Variants in DAAM1 observed in about 807,000 individuals in gnomAD.
DAAM1 encodes the protein disheveled-associated activator of morphogenesis 1.
Under a neutral mutation model 130.0 loss-of-function variants are expected in DAAM1, and 52 were observed. The ratio of observed to expected loss-of-function variants is 0.40; its 90% CI spans 0.32 to 0.50. The LOEUF (loss-of-function observed/expected upper bound fraction) is 0.50, where lower values mean the gene tolerates loss of function less well. DAAM1 is among the 20% of genes least tolerant of loss of function. The pLI is 0.61. For missense variants in DAAM1, 1,134 were observed against 1,303.8 expected (o/e 0.87, Z 2.01); for synonymous variants, 452 against 444.5 (o/e 1.02, Z -0.21).
chr14:59,224,518 C>T (rs1025683205), intron 1 of DAAM1, among the ~76,000 whole-genome samples: 1 of 152,212 alleles, frequency 6.6e-6, no homozygotes, highest in African/African-American at 2.4e-5. Context: ...TGTTTGATTT[C>T]ACAGGCTTAC....
At chr14:59,284,078 A>G (rs756464162) in intron 2 of DAAM1, among the ~76,000 whole-genome samples, 10 of 152,096 alleles carry the variant, frequency 6.6e-5, no homozygotes, top group Non-Finnish European at 1.2e-4. Context: ...TAAGTGATTT[A>G]AGGAACCTTC....
intron 1 of DAAM1, among the ~76,000 whole-genome samples, chr14:59,244,069 C>T (rs1309684194): frequency 6.6e-6 from 1 of 152,064 alleles, no homozygotes; most frequent in African/African-American, 2.4e-5. Context: ...CCCATAGTTC[C>T]CATGTGTTGG....
chr14:59,343,399 G>A (rs978150649), intron 16 of DAAM1, among the ~76,000 whole-genome samples: 6 of 152,120 alleles, frequency 3.9e-5, no homozygotes, highest in Non-Finnish European at 8.8e-5. Context: ...TTTATGCTTG[G>A]GGACAATGAA....
At chr14:59,321,112 G>T (rs764915305) in intron 5 of DAAM1, among the ~76,000 whole-genome samples, 5 of 139,982 alleles carry the variant, frequency 3.6e-5, no homozygotes, top group Non-Finnish European at 7.8e-5. Flanking sequence ...CCACATAATG[G>T]AATATAATTT....
intron 3 of DAAM1, among the ~76,000 whole-genome samples, chr14:59,314,182 G>T (rs1451748876): frequency 1.3e-5 from 2 of 152,200 alleles, no homozygotes; most frequent in African/African-American, 4.8e-5. Context: ...CTGACATCAG[G>T]ATATAGAGCT....
At chr14:59,190,723 G>A (rs534920374) in intron 1 of DAAM1, among the ~76,000 whole-genome samples, 3 of 152,310 alleles carry the variant, frequency 2.0e-5, no homozygotes, top group South Asian at 2.1e-4. Context: ...TTGGTAATGT[G>A]AGGAAAGGGT....
intron 6 of DAAM1, among the ~76,000 whole-genome samples, chr14:59,323,467 A>G (rs1430545610): frequency 6.6e-6 from 1 of 152,122 alleles, no homozygotes; most frequent in South Asian, 2.1e-4. Context: ...CTTGCATCCT[A>G]TATGTCATAT....
chr14:59,363,464 GGGCATGGCTTT>G, intron 22 of DAAM1, 176 bp from the exon 23 acceptor site: 1 of 682,264 alleles, frequency 1.5e-6, no homozygotes, highest in Middle Eastern at 4.2e-4. Context: ...GTGTGCACAT[GGGCATGGCTTT>G]GGCATGGTGG....
intron 1 of DAAM1, among the ~76,000 whole-genome samples, chr14:59,261,912 AG>A (rs1161977219): frequency 6.6e-6 from 1 of 152,114 alleles, no homozygotes; most frequent in Admixed American, 6.5e-5. Context: ...ACTTGACCCT[AG>A]TCTTTCTTCT....
In DAAM1 at chr14:59,320,588, A is replaced by G. The variant is rs914458132; in HGVS notation, c.440+4A>G. 6.5e-7 allele frequency: 1 copy of G among 1,534,478 alleles called. No individual in the cohort carries two copies. On this transcript the variant is annotated splice_donor_region_variant and intron_variant, in intron 5 of 24. Transcript: ENST00000360909. ...CACTGAGGACAAAACCAATGAGGTA[A>G]TTTTCCCCTGGATGGCATGTTTTTT...
At position 59,325,040 on chromosome 14, in the gene DAAM1, C is replaced by T. The variant is rs143328196; in HGVS notation, c.989+586C>T. On this transcript the variant is annotated intron_variant, in intron 8 of 24. Coordinates refer to ENST00000360909, the MANE Select transcript of DAAM1 (RefSeq NM_001270520.2). ...TCTTCTTCTTGATATTCTGTGAACACTCTTGCATCAGTGCCTTTGCGCTTG... is the reference window on the plus strand; with the variant it reads ...TCTTCTTCTTGATATTCTGTGAACATTCTTGCATCAGTGCCTTTGCGCTTG... Among the ~76,000 whole-genome samples, 6 of 152,304 alleles carry T rather than the reference C, an allele frequency of 3.9e-5. No homozygotes were observed. In the East Asian group the frequency reaches 1.2e-3, roughly 29 times the overall value.
In DAAM1 at chr14:59,369,092, A is replaced by G; in HGVS notation, c.*233A>G. On this transcript the variant is annotated 3_prime_UTR_variant, in exon 25 of 25. Coordinates refer to ENST00000360909, the MANE Select transcript of DAAM1 (RefSeq NM_001270520.2). ...TGGTTAAAAAGATTTATGTTAATGT[A>G]TGTGCTCCAAAACCTTTCGTGTATG... The G allele has an allele frequency of 2.2e-6, 1 of 457,570 alleles. No individual in the cohort carries two copies. The highest frequency in any genetic ancestry group is 2.0e-5 in the African/African-American group (1 of 50,088). The allele number at this position is 457,570 out of a possible 1,614,324, so 28.3% of individuals were successfully genotyped here. A position where few individuals can be genotyped will look rare whatever the true frequency, so the allele number is the denominator to read the frequency against.
chr14:59,367,344 T>C (rs1594856095), intron 23 of DAAM1, 85 bp from the exon 24 acceptor site: 1 of 1,502,452 alleles, frequency 6.7e-7, no homozygotes, highest in Non-Finnish European at 8.9e-7. Context: ...TGACTCAATC[T>C]GGGCTTTGGT....
At chr14:59,300,640 T>C (rs1052700775) in intron 3 of DAAM1, among the ~76,000 whole-genome samples, 1 of 152,222 alleles carries the variant, frequency 6.6e-6, no homozygotes, top group Non-Finnish European at 1.5e-5. Context: ...CATTTTACCA[T>C]ATTCACCTCA....
At chr14:59,351,147 AC>A (rs1886279087) in intron 17 of DAAM1, among the ~76,000 whole-genome samples, 2 of 149,216 alleles carry the variant, frequency 1.3e-5, no homozygotes, top group South Asian at 4.3e-4. Flanking sequence ...GTCATCTTTG[AC>A]TCTTCCTCTC....
At chr14:59,359,589 G>A (rs1487955349) in intron 21 of DAAM1, 85 bp downstream of exon 21, 3 of 952,432 alleles carry the variant, frequency 3.1e-6, no homozygotes, top group Admixed American at 4.3e-5. Context: ...CATGAAGTCA[G>A]TCCTTCTATT....
intron 3 of DAAM1, among the ~76,000 whole-genome samples, chr14:59,302,451 G>A (rs1443617251): frequency 6.6e-6 from 1 of 152,128 alleles, no homozygotes. Flanking sequence ...TCAAGTAGGG[G>A]TTAGAGAAGC....
intron 24 of DAAM1, 91 bp from the exon 25 acceptor site, chr14:59,368,559 G>A: frequency 4.6e-6 from 6 of 1,316,244 alleles, no homozygotes; most frequent in Non-Finnish European, 6.3e-6. Context: ...GGTGTCTGGA[G>A]CATTACCATA....
intron 1 of DAAM1, among the ~76,000 whole-genome samples, chr14:59,199,921 C>A (rs1163184509): frequency 6.6e-6 from 1 of 152,204 alleles, no homozygotes; most frequent in Non-Finnish European, 1.5e-5. Context: ...GGGGCAAAAT[C>A]ACCCCGGGTT....
Sources: gnomAD v4.1 joint callset for allele counts (sites outside exome capture counted in the v4.1 genomes callset) on GRCh38, gnomAD v4.1.1 for gene constraint, MANE v1.5 for transcripts, NCBI Gene and HGNC (gene_info 2026-07-23, HGNC 2026-07-21) for gene names.